CAPN10: variants seen among roughly 807,000 people sequenced by gnomAD.
CAPN10 encodes the protein calpain-10.
A neutral mutation model predicts 78.4 loss-of-function variants in CAPN10; 71 were observed. The ratio of observed to expected loss-of-function variants is 0.91; its 90% CI spans 0.75 to 1.10. The LOEUF is 1.10. Among genes scored for constraint, CAPN10 ranks in the 50% least tolerant of loss-of-function variants. CAPN10 has a pLI of 0.00. For synonymous variants in CAPN10, 437 were observed against 407.2 expected (o/e 1.07, Z -0.88); for missense variants, 849 against 924.6 (o/e 0.92, Z 1.06).
At position 240,598,034 on chromosome 2, in the gene CAPN10, C is replaced by T; in HGVS notation, c.1890C>T (p.Tyr630=). ...CCTACAAGGTTGTGCCCTCCACCTA[C>T]CTGCCGGACACAGAGGGGGCCTTCA... ...AGTYKVVPST[Y]LPDTEGAFTV... is the part of the protein sequence containing the mutation. Residue 630 remains tyrosine (Y), a synonymous_variant, in exon 10 of 12, where the codon TAC becomes TAT. Transcript: ENST00000391984. The T allele has an allele frequency of 6.2e-7, 1 of 1,613,164 alleles. No individual in the cohort carries two copies. Among genetic ancestry groups the T allele is most frequent in the South Asian group, 1.1e-5 (1 of 91,072 alleles).
intron 5 of CAPN10, chr2:240,594,323 T>G: frequency 1.6e-6 from 1 of 622,662 alleles, no homozygotes; most frequent in South Asian, 2.1e-5. Flanking sequence ...AGGCGTGAAG[T>G]TCCTCTGGGA....
chr2:240,589,661 G>C (rs56351903), intron 2 of CAPN10, 187 bp downstream of exon 2: 37,635 of 769,308 alleles, frequency 0.049, 1,155 homozygotes, highest in South Asian at 0.069. Context: ...CTGCTGCAGG[G>C]GGGGGTGCCT....
chr2:240,595,040 T>TAC lies in CAPN10; in HGVS notation c.1015_1016dup (p.Ala341GlyfsTer88). The TAC allele has an allele frequency of 6.2e-7, 1 of 1,613,076 alleles. No individual in the cohort carries two copies. The highest frequency in any genetic ancestry group is 8.5e-7 in the Non-Finnish European group (1 of 1,179,984). ...TCTCACTAGAGAGGCTGCTCTGCCATACGCGGGCGCTGCCTGGGGCCTGGG... is the reference window on the plus strand; with the variant it reads ...TCTCACTAGAGAGGCTGCTCTGCCATACACGCGGGCGCTGCCTGGGGCCTGGG... On this transcript the variant is annotated frameshift_variant, in exon 7 of 12. Transcript: ENST00000391984. LOFTEE classifies it high-confidence loss of function.
chr2:240,594,639 CA>C lies in CAPN10; in HGVS notation c.928del (p.Arg310GlyfsTer118). 6.2e-7 allele frequency: 1 copy of C among 1,613,960 alleles called. No individual in the cohort carries two copies. Among genetic ancestry groups the C allele is most frequent in the Non-Finnish European group, 8.5e-7 (1 of 1,179,988 alleles). ...TCTGGGTGGAGGAGGAGGAGTTCCT[CA>C]GGGAGTTTGACGAGCTCACCGTTGG... The part of the protein sequence containing the change: ...EFWVEEEEFL[R>X]EFDELTVGYP... On this transcript the variant is annotated frameshift_variant, in exon 6 of 12. Coordinates refer to ENST00000391984, the MANE Select transcript of CAPN10 (RefSeq NM_023083.4). LOFTEE classifies it high-confidence loss of function.
At chr2:240,593,232 C>T (rs1417095570) in intron 4 of CAPN10, among the ~76,000 whole-genome samples, 1 of 152,216 alleles carries the variant, frequency 6.6e-6, no homozygotes, top group Non-Finnish European at 1.5e-5. Context: ...GAGGAAGCCC[C>T]CAGGCAGAGA....
intron 7 of CAPN10, chr2:240,595,858 A>G (rs2125464389): frequency 1.9e-6 from 2 of 1,068,092 alleles, no homozygotes; most frequent in South Asian, 2.6e-5. Context: ...CCTGAGGGCA[A>G]AGGGCCTGAG....
intron 4 of CAPN10, 148 bp downstream of exon 4, chr2:240,592,298 CCT>C (rs1314253214): frequency 3.9e-6 from 3 of 760,244 alleles, no homozygotes; most frequent in Non-Finnish European, 6.7e-6. Context: ...AGGGTGGTGT[CCT>C]CAGTTTGTGA....
chr2:240,593,987 T>A lies in CAPN10; in HGVS notation c.770T>A (p.Leu257Gln). 1 of 1,611,568 alleles carries A rather than the reference T, an allele frequency of 6.2e-7. No individual in the cohort carries two copies. Reference protein sequence around the residue: ...ELQGQAGQCILLLRIQNPWGR... With the variant: ...ELQGQAGQCIQLLRIQNPWGR... ...CAGGGTCAGGCGGGCCAGTGCATCC[T>A]GCTGCTGCGGATCCAGAACCCCTGG... The change falls in exon 5 of 12, where the codon CTG (leucine) becomes CAG (glutamine). Residue 257 changes from leucine to glutamine, a missense_variant. Coordinates refer to ENST00000391984, the MANE Select transcript of CAPN10 (RefSeq NM_023083.4).
At chr2:240,595,552 C>G (rs2093131543) in intron 7 of CAPN10, among the ~76,000 whole-genome samples, 1 of 152,248 alleles carries the variant, frequency 6.6e-6, no homozygotes, top group African/African-American at 2.4e-5. Context: ...GCAACAGAGT[C>G]TGCAGCCAGG....
chr2:240,593,423 C>G (rs1352844601), intron 4 of CAPN10, among the ~76,000 whole-genome samples: 3 of 152,258 alleles, frequency 2.0e-5, no homozygotes, highest in Non-Finnish European at 4.4e-5. Flanking sequence ...GTCTCAAGGT[C>G]TCTGGCCAGG....
intron 3 of CAPN10, 196 bp from the exon 4 acceptor site, chr2:240,591,737 C>T (rs1033068838): frequency 2.2e-5 from 13 of 600,662 alleles, no homozygotes; most frequent in South Asian, 4.1e-5. Flanking sequence ...AGGGCGCTCA[C>T]GCTTGCTGTG....
chr2:240,587,123 G>C, intron 1 of CAPN10, 71 bp downstream of exon 1: 1 of 1,033,068 alleles, frequency 9.7e-7, no homozygotes, highest in Non-Finnish European at 1.3e-6. Flanking sequence ...AGGGAGCGGG[G>C]CGGGGTGGGC....
At chr2:240,589,517 T>C in intron 2 of CAPN10, 43 bp downstream of exon 2, 2 of 1,569,246 alleles carry the variant, frequency 1.3e-6, no homozygotes, top group Non-Finnish European at 1.7e-6. Context: ...GCCGGTTTCT[T>C]TTTGCGTTTC....
rs577670953 is a variant in CAPN10 at position 240,598,751 on chromosome 2, G to A, written c.*71G>A. On this transcript the variant is annotated 3_prime_UTR_variant, in exon 12 of 12. Transcript: ENST00000391984. Reference sequence around the variant, plus strand: ...CTGACAGGTTCCCAGCAGCTGGGCCGGCCAGCCTTGCACTGTGGGGGCTGG... The same window carrying A: ...CTGACAGGTTCCCAGCAGCTGGGCCAGCCAGCCTTGCACTGTGGGGGCTGG... 205 of 1,417,762 alleles carry A rather than the reference G, an allele frequency of 1.4e-4. 1 individual carries two copies. The highest frequency in any genetic ancestry group is 5.7e-5 in the African/African-American group (4 of 70,774). The allele number at this position is 1,417,762 out of a possible 1,614,324, so 87.8% of individuals were successfully genotyped here. A position where few individuals can be genotyped will look rare whatever the true frequency, so the allele number is the denominator to read the frequency against.
intron 4 of CAPN10, chr2:240,592,486 T>C: frequency 1.8e-6 from 1 of 544,262 alleles, no homozygotes; most frequent in Non-Finnish European, 3.6e-6. Context: ...TAGTGATAGA[T>C]AACATTCGTT....
rs777960893 is a variant in CAPN10, at chr2:240,598,819, G to T, written c.*139G>T. The stretch of plus-strand genomic sequence containing the variant: ...CCTCCCAGCCCTGCCAGGAGGCTGC[G>T]GCCTAGGGGTCCACGGGAAGCCTCC... On this transcript the variant is annotated 3_prime_UTR_variant, in exon 12 of 12. Transcript: ENST00000391984. 2.6e-6 allele frequency: 2 copies of T among 775,896 alleles called. No individual in the cohort carries two copies. Among genetic ancestry groups the T allele is most frequent in the Non-Finnish European group, 4.3e-6 (2 of 462,122 alleles). 48.1% of individuals were successfully genotyped at this position (775,896 alleles called of 1,614,324 possible). A position where few individuals can be genotyped will look rare whatever the true frequency, so the allele number is the denominator to read the frequency against.
rs764055347 is a variant in CAPN10 at position 240,596,299 on chromosome 2, C to T, written c.1279-20C>T. The T allele has an allele frequency of 1.3e-6, 2 of 1,588,124 alleles. No homozygotes were observed. The highest frequency in any genetic ancestry group is 1.7e-6 in the Non-Finnish European group (2 of 1,162,126). ...ACCCCGGCCGCTCCTCCACACTGAGCCTCCTGCACGTGCTCACAGGTAGAG... is the reference window on the plus strand; with the variant it reads ...ACCCCGGCCGCTCCTCCACACTGAGTCTCCTGCACGTGCTCACAGGTAGAG... On this transcript the variant is annotated intron_variant, in intron 7 of 11. Coordinates refer to ENST00000391984, the MANE Select transcript of CAPN10 (RefSeq NM_023083.4).
chr2:240,592,794 A>G (rs1575448284), intron 4 of CAPN10: 1 of 220,058 alleles, frequency 4.5e-6, no homozygotes, highest in Non-Finnish European at 9.3e-6. Context: ...TGTTCGCCCC[A>G]TGAGCGGGTT....
At chr2:240,588,918 T>C (rs144635253) in intron 1 of CAPN10, among the ~76,000 whole-genome samples, 29 of 151,846 alleles carry the variant, frequency 1.9e-4, no homozygotes, top group African/African-American at 6.8e-4. Flanking sequence ...GCAAGGGCAG[T>C]GTGGATGTTT....
Sources: allele counts gnomAD v4.1 joint callset (sites outside exome capture counted in the v4.1 genomes callset), GRCh38; gene constraint gnomAD v4.1.1; transcripts MANE v1.5; gene names NCBI Gene and HGNC (gene_info 2026-07-23, HGNC 2026-07-21).